DENND4C: variants seen among roughly 807,000 people sequenced by gnomAD.
DENND4C encodes DENN domain-containing protein 4C.
In DENND4C, 108 loss-of-function variants were observed where a neutral mutation model predicts 203.0. The ratio of observed to expected loss-of-function variants is 0.53; its 90% CI spans 0.46 to 0.62. The LOEUF is 0.62. Among genes scored for constraint, DENND4C ranks in the 20% least tolerant of loss-of-function variants. The pLI, the probability that DENND4C is intolerant of heterozygous loss-of-function variation, is 0.00. For missense variants in DENND4C, 2,481 were observed against 2,301.2 expected (o/e 1.08, Z -1.60); for synonymous variants, 871 against 792.4 (o/e 1.10, Z -1.67).
chr9:19,232,872 A>G (rs897412753), intron 1 of DENND4C, among the ~76,000 whole-genome samples: 1 of 152,044 alleles, frequency 6.6e-6, no homozygotes, highest in Non-Finnish European at 1.5e-5. Context: ...TCAATAAGGC[A>G]CCTTTCTTTG....
intron 12 of DENND4C, among the ~76,000 whole-genome samples, chr9:19,317,781 T>C (rs989803988): frequency 6.6e-6 from 1 of 152,226 alleles, no homozygotes; most frequent in African/African-American, 2.4e-5. Context: ...AAACATATTT[T>C]ACACAGTTTT....
intron 28 of DENND4C, among the ~76,000 whole-genome samples, chr9:19,359,921 C>T (rs1231308809): frequency 6.6e-6 from 1 of 152,048 alleles, no homozygotes; most frequent in Non-Finnish European, 1.5e-5. Flanking sequence ...TACACACATA[C>T]ATTACTATAA....
chr9:19,251,702 T>C (rs1564087135), intron 1 of DENND4C, among the ~76,000 whole-genome samples: 1 of 152,166 alleles, frequency 6.6e-6, no homozygotes, highest in East Asian at 1.9e-4. Context: ...ATCATCTCTC[T>C]CAAGTTCAAA....
intron 8 of DENND4C, 21 bp from the exon 9 acceptor site, chr9:19,300,166 T>C (rs769823485): frequency 2.8e-5 from 45 of 1,580,452 alleles, no homozygotes; most frequent in Non-Finnish European, 3.8e-5. Context: ...AATGATCTAC[T>C]TTTCTCTTTT....
chr9:19,357,376 A>G lies in DENND4C; in HGVS notation c.4964+222A>G, dbSNP rs1307476351. On this transcript the variant is annotated intron_variant, in intron 27 of 32. Coordinates refer to ENST00000434457, the MANE Select transcript of DENND4C (RefSeq NM_001330640.2). ...TTTTACAGTTGTCTTTTACAAAATG[A>G]ACTTCTCAACAGTAAAATATTTCCC... The G allele has an allele frequency of 2.7e-5, 13 of 481,532 alleles. No homozygotes were observed. The East Asian group carries it at 4.5e-4, about 17-fold the overall frequency. The allele number at this position is 481,532 out of a possible 1,614,324, so 29.8% of individuals were successfully genotyped here.
At chr9:19,265,105 C>T (rs186148805) in intron 1 of DENND4C, among the ~76,000 whole-genome samples, 2 of 152,254 alleles carry the variant, frequency 1.3e-5, no homozygotes, top group East Asian at 3.9e-4. Flanking sequence ...ACCTTGACCT[C>T]TTGGGCTCAG....
chr9:19,257,997 G>A lies in DENND4C; in HGVS notation c.-17-18161G>A, dbSNP rs148838966. On this transcript the variant is annotated intron_variant, in intron 1 of 32. Coordinates refer to ENST00000434457, the MANE Select transcript of DENND4C (RefSeq NM_001330640.2). ...ACTGGATGTGGTGGTTCATGTCCAC[G>A]GTACCAGCTACTTGAGATGCTGAGG... is the stretch of plus-strand genomic sequence containing the variant. Among the ~76,000 whole-genome samples, 29 of 152,076 alleles carry A rather than the reference G, an allele frequency of 1.9e-4. No individual in the cohort carries two copies. In the East Asian group the frequency reaches 4.3e-3, roughly 22 times the overall value.
At chr9:19,235,265 G>T (rs895571859) in intron 1 of DENND4C, among the ~76,000 whole-genome samples, 2 of 152,082 alleles carry the variant, frequency 1.3e-5, no homozygotes. Context: ...ACGCCTAGCC[G>T]AAAGTCGACT....
chr9:19,331,644 T>C (rs1442905482), intron 16 of DENND4C, among the ~76,000 whole-genome samples: 3 of 152,154 alleles, frequency 2.0e-5, no homozygotes, highest in African/African-American at 7.2e-5. Flanking sequence ...AATATCACTT[T>C]TTCACCCATC....
chr9:19,321,868 G>C (rs1443540539), intron 12 of DENND4C, among the ~76,000 whole-genome samples: 14 of 150,800 alleles, frequency 9.3e-5, no homozygotes, highest in African/African-American at 3.4e-4. Context: ...AGCTAATAGA[G>C]AGGGAGATTT....
At chr9:19,330,980 C>G in intron 16 of DENND4C, among the ~76,000 whole-genome samples, 3 of 151,564 alleles carry the variant, frequency 2.0e-5, no homozygotes, top group African/African-American at 7.2e-5. Flanking sequence ...CACTTGAACC[C>G]GGGAGGCAGT....
chr9:19,342,529 C>G, intron 21 of DENND4C, 104 bp from the exon 22 acceptor site: 1 of 1,245,818 alleles, frequency 8.0e-7, no homozygotes, highest in Non-Finnish European at 1.1e-6. Flanking sequence ...AATAGACACA[C>G]TGACTGTTGG....
chr9:19,363,081 TC>T (rs1245111285), intron 30 of DENND4C, among the ~76,000 whole-genome samples: 4 of 152,232 alleles, frequency 2.6e-5, no homozygotes. Context: ...AGGTTTGGTT[TC>T]TTCTGAGGCC....
At chr9:19,363,373 C>T (rs927211521) in intron 30 of DENND4C, among the ~76,000 whole-genome samples, 6 of 151,852 alleles carry the variant, frequency 4.0e-5, no homozygotes, top group Non-Finnish European at 5.9e-5. Flanking sequence ...TTCAGCTGGG[C>T]GTGGTGGTGG....
At position 19,318,615 on chromosome 9, in the gene DENND4C, T is replaced by A. The variant is rs535029208; in HGVS notation, c.1807+1776T>A. Among the ~76,000 whole-genome samples the A allele has an allele frequency of 4.7e-4, 72 of 152,312 alleles. No individual in the cohort carries two copies. The South Asian group carries it at 0.011, about 24-fold the overall frequency. ...ACAACAGAAATTATTTTCTCGTGGT[T>A]TTGGAGGTTAAACTGAGATCAAGGT... On this transcript the variant is annotated intron_variant, in intron 12 of 32. Coordinates refer to ENST00000434457, the MANE Select transcript of DENND4C (RefSeq NM_001330640.2).
Position 19,369,929 on chromosome 9 carries a change from G to C in DENND4C, c.5617G>C (p.Val1873Leu). The stretch of plus-strand genomic sequence containing the variant: ...CAGGCAGAGTATTCAGCACAATAAT[G>C]TTCTTAAACCCATCAACCTACTTTC... ...TIRQSIQHNN[V>L]LKPINLLSQQ... The change falls in exon 31 of 33, where the codon GTT (valine) becomes CTT (leucine). Residue 1873 changes from valine to leucine, a missense_variant. This residue lies in a region of DENND4C where 2,289 missense variants were observed against 2,113.3 expected (regional missense o/e 1.08). Coordinates refer to ENST00000434457, the MANE Select transcript of DENND4C (RefSeq NM_001330640.2). The C allele has an allele frequency of 6.2e-7, 1 of 1,613,886 alleles. No homozygotes were observed. The highest frequency in any genetic ancestry group is 8.5e-7 in the Non-Finnish European group (1 of 1,179,938).
At chr9:19,254,546 A>G (rs1006285762) in intron 1 of DENND4C, among the ~76,000 whole-genome samples, 2 of 152,240 alleles carry the variant, frequency 1.3e-5, no homozygotes, top group African/African-American at 2.4e-5. Flanking sequence ...TTGAACTCAT[A>G]AAAGCAGAGC....
intron 16 of DENND4C, 51 bp from the exon 17 acceptor site, chr9:19,331,927 C>A: frequency 6.7e-7 from 1 of 1,500,082 alleles, no homozygotes; most frequent in East Asian, 2.4e-5. Flanking sequence ...CACTTCTCCC[C>A]TCACCCTAAT....
Position 19,301,088 on chromosome 9 carries a change from G to A in DENND4C, c.1311+757G>A, listed in dbSNP as rs560202268. Among the ~76,000 whole-genome samples, 13 of 151,792 alleles carry A rather than the reference G, an allele frequency of 8.6e-5. 1 individual carries two copies. In the South Asian group the frequency reaches 2.7e-3, roughly 32 times the overall value. ...AGCTACTCAGGAGGCTGAGGCAGGA[G>A]AATTGCTTGAACCCAGGAGGCGGAG... On this transcript the variant is annotated intron_variant, in intron 9 of 32. Transcript: ENST00000434457.
Sources: gnomAD v4.1 joint callset for allele counts (sites outside exome capture counted in the v4.1 genomes callset) on GRCh38, gnomAD v4.1.1 for gene constraint, gnomAD v4.1.1 regional missense constraint, MANE v1.5 for transcripts, NCBI Gene and HGNC (gene_info 2026-07-23, HGNC 2026-07-21) for gene names.